The following DISP1 variants were observed in gnomAD, a reference collection of about 807,000 sequenced individuals.
DISP1 encodes the protein protein dispatched homolog 1.
In DISP1, 30 loss-of-function variants were observed where a neutral mutation model predicts 37.3. That is an observed-to-expected ratio of 0.80 (90% CI 0.60 to 1.09). The LOEUF (loss-of-function observed/expected upper bound fraction) is 1.09, where lower values mean the gene tolerates loss of function less well. DISP1 is among the 50% of genes least tolerant of loss of function. The pLI is 0.00. For synonymous variants in DISP1, 634 were observed against 690.2 expected (o/e 0.92, Z 1.28); for missense variants, 1,598 against 1,879.5 (o/e 0.85, Z 2.77).
chr1:222,980,511 A>G (rs1314157874), intron 3 of DISP1, among the ~76,000 whole-genome samples: 1 of 151,734 alleles, frequency 6.6e-6, no homozygotes, highest in Non-Finnish European at 1.5e-5. Context: ...TTTTTAATTC[A>G]TTGTCTACTG....
chr1:222,978,811 G>A (rs932619124), intron 3 of DISP1, among the ~76,000 whole-genome samples: 6 of 152,120 alleles, frequency 3.9e-5, no homozygotes, highest in African/African-American at 1.2e-4. Flanking sequence ...TGTCAGGTTT[G>A]TCAAAGATCA....
At chr1:222,905,079 G>A (rs945450056) in intron 1 of DISP1, among the ~76,000 whole-genome samples, 1 of 152,088 alleles carries the variant, frequency 6.6e-6, no homozygotes, top group African/African-American at 2.4e-5. Context: ...TAAGAAAGAA[G>A]TAACTATTAT....
intron 1 of DISP1, among the ~76,000 whole-genome samples, chr1:222,922,251 C>T (rs1672841981): frequency 6.6e-6 from 1 of 151,974 alleles, no homozygotes; most frequent in African/African-American, 2.4e-5. Flanking sequence ...TTTTTTTGGA[C>T]TGAAGAGCAG....
At chr1:222,828,506 A>G (rs145929851) in intron 1 of DISP1, among the ~76,000 whole-genome samples, 16 of 152,260 alleles carry the variant, frequency 1.1e-4, no homozygotes, top group Middle Eastern at 3.4e-3. Flanking sequence ...ATATTTACCC[A>G]TATGCATTTA....
intron 3 of DISP1, among the ~76,000 whole-genome samples, chr1:222,976,485 C>A (rs577901353): frequency 6.6e-6 from 1 of 151,986 alleles, no homozygotes; most frequent in South Asian, 2.1e-4. Context: ...CTGTTTGTCA[C>A]GTCCATTTGT....
At chr1:222,985,392 CTATAA>C (rs1444908981) in intron 4 of DISP1, among the ~76,000 whole-genome samples, 1 of 152,266 alleles carries the variant, frequency 6.6e-6, no homozygotes, top group African/African-American at 2.4e-5. Context: ...TGGCTCACGC[CTATAA>C]TCCCAGCACT....
chr1:222,816,164 G>A (rs1661202167), intron 1 of DISP1, among the ~76,000 whole-genome samples: 3 of 150,690 alleles, frequency 2.0e-5, no homozygotes, highest in Admixed American at 2.0e-4. Flanking sequence ...GTTGTTACAC[G>A]CACATTAGCA....
intron 1 of DISP1, among the ~76,000 whole-genome samples, chr1:222,915,589 C>A (rs1449346254): frequency 6.6e-6 from 1 of 152,224 alleles, no homozygotes; most frequent in African/African-American, 2.4e-5. Flanking sequence ...TTAACCAGGG[C>A]AGATGCCTTA....
At chr1:222,839,147 G>T (rs1667437180) in intron 1 of DISP1, among the ~76,000 whole-genome samples, 1 of 152,172 alleles carries the variant, frequency 6.6e-6, no homozygotes, top group Non-Finnish European at 1.5e-5. Context: ...TGTGTGGCCT[G>T]TTAGGAACTG....
intron 2 of DISP1, among the ~76,000 whole-genome samples, chr1:222,935,456 G>C (rs1005103082): frequency 6.6e-6 from 1 of 152,154 alleles, no homozygotes; most frequent in African/African-American, 2.4e-5. Context: ...TTTGTCATCA[G>C]TATGTGACTT....
chr1:222,874,892 A>G (rs745609649), intron 1 of DISP1, among the ~76,000 whole-genome samples: 15 of 151,886 alleles, frequency 9.9e-5, no homozygotes, highest in Non-Finnish European at 2.2e-4. Context: ...TTGTGGTTTT[A>G]TCTATCTTTG....
intron 2 of DISP1, among the ~76,000 whole-genome samples, chr1:222,942,146 C>T (rs1674433093): frequency 6.6e-6 from 1 of 151,750 alleles, no homozygotes; most frequent in Non-Finnish European, 1.5e-5. Flanking sequence ...AAATCCCACC[C>T]ATAGTATTAT....
chr1:222,902,205 A>G (rs1671633149), intron 1 of DISP1, among the ~76,000 whole-genome samples: 1 of 152,006 alleles, frequency 6.6e-6, no homozygotes, highest in Admixed American at 6.6e-5. Flanking sequence ...CTAGCTTTTG[A>G]ATGTGTTTGC....
At chr1:222,896,506 CAGG>C (rs1307637542) in intron 1 of DISP1, among the ~76,000 whole-genome samples, 3 of 150,882 alleles carry the variant, frequency 2.0e-5, no homozygotes, top group African/African-American at 7.3e-5. Context: ...GAGGCTGAGG[CAGG>C]AGAATTGCTT....
At chr1:222,962,064 C>T (rs1676106869) in intron 3 of DISP1, among the ~76,000 whole-genome samples, 1 of 152,122 alleles carries the variant, frequency 6.6e-6, no homozygotes. Context: ...ACTCCTTAAA[C>T]TGATAAGCAA....
At position 223,005,718 on chromosome 1, in the gene DISP1, C is replaced by A. The variant is rs776528560; in HGVS notation, c.4321C>A (p.Leu1441Met). 1 of 1,613,902 alleles carries A rather than the reference C, an allele frequency of 6.2e-7. No individual in the cohort carries two copies. Among genetic ancestry groups the A allele is most frequent in the Admixed American group, 1.7e-5 (1 of 59,974 alleles). ...TENKAGGKVE[L>M]SLSQTDASVN... ...AAACAAGGCAGGAGGGAAAGTGGAG[C>A]TGAGCTTGTCACAGACGGATGCAAG... Residue 1441 changes from leucine to methionine, a missense_variant, in exon 9 of 9, where the codon CTG becomes ATG. Transcript: ENST00000675850.
chr1:222,914,630 A>G (rs2125428942), intron 1 of DISP1, among the ~76,000 whole-genome samples: 1 of 151,380 alleles, frequency 6.6e-6, no homozygotes, highest in South Asian at 2.1e-4. Flanking sequence ...ATCTTGTAAA[A>G]CTTAGTTTTT....
intron 1 of DISP1, among the ~76,000 whole-genome samples, chr1:222,828,255 C>T (rs965435225): frequency 2.0e-5 from 3 of 152,120 alleles, no homozygotes; most frequent in Non-Finnish European, 4.4e-5. Flanking sequence ...TTCTACTTAT[C>T]TTTTGTTTGT....
At position 222,893,173 on chromosome 1, in the gene DISP1, C is replaced by T. The variant is rs949420361; in HGVS notation, c.-158-35257C>T. Among the ~76,000 whole-genome samples the T allele has an allele frequency of 3.9e-5, 6 of 152,110 alleles. No homozygotes were observed. Among genetic ancestry groups the T allele is most frequent in the African/African-American group, 1.2e-4 (5 of 41,402 alleles). On this transcript the variant is annotated intron_variant, in intron 1 of 8. Coordinates refer to ENST00000675850, the MANE Select transcript of DISP1 (RefSeq NM_001377229.1). This position sits in a 1 kb window ranked among gnomAD's most constrained non-coding sequence, Gnocchi z 4.3. ...AATATATTGGTTGATAATTATAAAC[C>T]ATGCCTTTATTATTAAATCTTTTGT...
Sources: gnomAD v4.1 joint callset for allele counts (sites outside exome capture counted in the v4.1 genomes callset) on GRCh38, gnomAD v4.1.1 for gene constraint, Gnocchi (gnomAD v3.1) non-coding constraint, MANE v1.5 for transcripts, NCBI Gene and HGNC (gene_info 2026-07-23, HGNC 2026-07-21) for gene names.